Variants in MED27 observed in about 807,000 individuals in gnomAD.
MED27 encodes mediator complex subunit 27.
A neutral mutation model predicts 38.2 loss-of-function variants in MED27; 30 were observed. The ratio of observed to expected loss-of-function variants is 0.79; its 90% CI spans 0.59 to 1.07. The LOEUF (loss-of-function observed/expected upper bound fraction) is 1.07, where lower values mean the gene tolerates loss of function less well. Among genes scored for constraint, MED27 ranks in the 50% least tolerant of loss-of-function variants. MED27 has a pLI of 0.00. For synonymous variants in MED27, 122 were observed against 153.5 expected (o/e 0.79, Z 1.52); for missense variants, 289 against 397.5 (o/e 0.73, Z 2.32).
intron 2 of MED27, among the ~76,000 whole-genome samples, chr9:132,042,674 T>C (rs1401322357): frequency 7.2e-5 from 11 of 152,332 alleles, no homozygotes; most frequent in East Asian, 1.9e-4. Flanking sequence ...CACACCACCA[T>C]TGCAAGTTAG....
rs140239611 is a variant in MED27, at chr9:131,942,015, C to T, written c.480-2541G>A. The stretch of plus-strand genomic sequence containing the variant: ...TAACTTTTTGTATTTTTAGTAGAGA[C>T]GGGATTTCACCATATTAGCCAGGAT... On this transcript the variant is annotated intron_variant, in intron 3 of 7. Transcript: ENST00000292035. Among the ~76,000 whole-genome samples the T allele has an allele frequency of 3.1e-3, 477 of 151,954 alleles. 2 individuals carry two copies. The highest frequency in any genetic ancestry group is 0.011 in the African/African-American group (442 of 41,422).
intron 1 of MED27, among the ~76,000 whole-genome samples, chr9:132,079,266 C>T (rs149526299): frequency 5.6e-4 from 85 of 152,266 alleles, no homozygotes; most frequent in Middle Eastern, 3.4e-3. Flanking sequence ...CTGACCAGGT[C>T]CTGTCTGTAC....
chr9:132,079,555 G>T, intron 1 of MED27, 87 bp downstream of exon 1: 1 of 1,240,416 alleles, frequency 8.1e-7, no homozygotes, highest in Non-Finnish European at 1.2e-6. Context: ...ACGGAGAACA[G>T]CCCCTGCCTG....
intron 4 of MED27, among the ~76,000 whole-genome samples, chr9:131,926,219 G>A (rs1438492562): frequency 1.3e-5 from 2 of 152,246 alleles, no homozygotes; most frequent in Non-Finnish European, 2.9e-5. Flanking sequence ...GGTCCACGCC[G>A]AACAGTGCCT....
chr9:132,042,207 C>A (rs1321240023), intron 2 of MED27, among the ~76,000 whole-genome samples: 2 of 152,164 alleles, frequency 1.3e-5, no homozygotes, highest in Non-Finnish European at 2.9e-5. Flanking sequence ...TTAAGGATGA[C>A]AAAGATGATG....
intron 4 of MED27, among the ~76,000 whole-genome samples, chr9:131,924,885 G>T (rs1311950715): frequency 6.6e-6 from 1 of 152,152 alleles, no homozygotes; most frequent in African/African-American, 2.4e-5. Context: ...TGATATGACT[G>T]ATATGTGTGG....
chr9:132,077,615 A>G (rs757765719), intron 1 of MED27, 29 bp from the exon 2 acceptor site: 1 of 1,613,224 alleles, frequency 6.2e-7, no homozygotes, highest in Non-Finnish European at 8.5e-7. Flanking sequence ...AGGCAAATAA[A>G]CCTAAGCCCA....
chr9:131,904,585 C>A (rs1220371966), intron 4 of MED27, among the ~76,000 whole-genome samples: 1 of 151,606 alleles, frequency 6.6e-6, no homozygotes, highest in Non-Finnish European at 1.5e-5. Context: ...CCTTGAACTC[C>A]CGGCCTCGAG....
intron 2 of MED27, among the ~76,000 whole-genome samples, chr9:132,030,150 C>T (rs1053688620): frequency 1.3e-5 from 2 of 152,184 alleles, no homozygotes; most frequent in African/African-American, 2.4e-5. Context: ...TTAGGGGATT[C>T]GGGCCTCTGC....
chr9:132,073,369 T>C (rs1406817411), intron 2 of MED27: 2 of 1,020,114 alleles, frequency 2.0e-6, no homozygotes, highest in Non-Finnish European at 2.3e-6. Flanking sequence ...GATTCATTTA[T>C]TCTTTCATTC....
chr9:132,077,447 T>C lies in MED27; in HGVS notation c.343A>G (p.Asn115Asp), dbSNP rs759186200. Residue 115 changes from asparagine to aspartate, a missense_variant, in exon 2 of 8, where the codon AAC (asparagine) becomes GAC (aspartate). Coordinates refer to ENST00000292035, the MANE Select transcript of MED27 (RefSeq NM_004269.4). Reference protein sequence around the residue: ...SQLLQAYKWSNKLQYHAGLAS... With the variant: ...SQLLQAYKWSDKLQYHAGLAS... ...GTTTATTACATCTCCCTTACCTTGT[T>C]TGACCACTTATATGCTTGAAGGAGT... 6 of 1,613,844 alleles carry C rather than the reference T, an allele frequency of 3.7e-6. No individual in the cohort carries two copies. Among genetic ancestry groups the C allele is most frequent in the Non-Finnish European group, 5.1e-6 (6 of 1,179,938 alleles).
chr9:132,053,266 A>T (rs117435933), intron 2 of MED27, among the ~76,000 whole-genome samples: 14,435 of 151,752 alleles, frequency 0.095, 829 homozygotes, highest in Non-Finnish European at 0.13. Flanking sequence ...AAAAAAAAAA[A>T]AAAGAAAAAG....
chr9:131,983,071 C>G (rs989262742), intron 3 of MED27, among the ~76,000 whole-genome samples: 2 of 152,200 alleles, frequency 1.3e-5, no homozygotes, highest in African/African-American at 4.8e-5. Context: ...ACTCATGACA[C>G]TCAGAAGTGC....
At chr9:131,870,407 T>C (rs1838811102) in intron 6 of MED27, among the ~76,000 whole-genome samples, 1 of 152,220 alleles carries the variant, frequency 6.6e-6, no homozygotes, top group South Asian at 2.1e-4. Flanking sequence ...GCCCGCCAAA[T>C]GTGTCCCCTC....
intron 3 of MED27, among the ~76,000 whole-genome samples, chr9:131,998,462 T>C (rs1832145289): frequency 1.3e-5 from 2 of 152,228 alleles, no homozygotes; most frequent in East Asian, 1.9e-4. Flanking sequence ...TGCATCCTTA[T>C]TTCCTTCACT....
chr9:131,895,606 A>C (rs1233197552), intron 4 of MED27, among the ~76,000 whole-genome samples: 2 of 152,196 alleles, frequency 1.3e-5, no homozygotes, highest in African/African-American at 2.4e-5. Flanking sequence ...GTATACTTTA[A>C]ATAGTACTGA....
rs139804488 is a variant in MED27 at position 131,946,383 on chromosome 9, C to T, written c.480-6909G>A. Among the ~76,000 whole-genome samples the T allele has an allele frequency of 3.8e-3, 571 of 152,220 alleles. 1 individual carries two copies. The highest frequency in any genetic ancestry group is 0.027 in the Middle Eastern group (8 of 294). On this transcript the variant is annotated intron_variant, in intron 3 of 7. Transcript: ENST00000292035. ...TTCCATCAACACTGTGTGAGGGTTC[C>T]CTTTTCTCCACATTCTTGCCAACAC...
chr9:131,903,411 G>A (rs1330450431), intron 4 of MED27, among the ~76,000 whole-genome samples: 1 of 152,206 alleles, frequency 6.6e-6, no homozygotes, highest in Non-Finnish European at 1.5e-5. Flanking sequence ...GGAGCTACAA[G>A]ATGAGATTTG....
intron 3 of MED27, among the ~76,000 whole-genome samples, chr9:131,951,981 C>T (rs1452778354): frequency 1.3e-5 from 2 of 152,188 alleles, no homozygotes; most frequent in African/African-American, 2.4e-5. Flanking sequence ...TCATATTTGG[C>T]ATGATCCTGA....
Sources: allele counts gnomAD v4.1 joint callset (sites outside exome capture counted in the v4.1 genomes callset), GRCh38; gene constraint gnomAD v4.1.1; transcripts MANE v1.5; gene names NCBI Gene and HGNC (gene_info 2026-07-23, HGNC 2026-07-21).